The following ANAPC4 variants were observed in gnomAD, a reference collection of about 807,000 sequenced individuals.
ANAPC4 encodes anaphase-promoting complex subunit 4.
Under a neutral mutation model 119.8 loss-of-function variants are expected in ANAPC4, and 63 were observed. The ratio of observed to expected loss-of-function variants is 0.53; its 90% confidence interval spans 0.43 to 0.65. The LOEUF (loss-of-function observed/expected upper bound fraction) is 0.65. ANAPC4 is among the 30% of genes least tolerant of loss of function. The pLI, the probability that ANAPC4 is intolerant of heterozygous loss-of-function variation, is 0.00. For missense variants in ANAPC4, 716 were observed against 945.1 expected (o/e 0.76, Z 3.18); for synonymous variants, 283 against 318.6 (o/e 0.89, Z 1.19).
At chr4:25,386,972 T>C (rs761616690) in intron 4 of ANAPC4, among the ~76,000 whole-genome samples, 1 of 152,212 alleles carries the variant, frequency 6.6e-6, no homozygotes, top group Non-Finnish European at 1.5e-5. Context: ...TGCCAATCAG[T>C]AATTTTAAAG....
rs77104342 is a variant in ANAPC4, at chr4:25,377,700, C to T, written c.129+144C>T. The T allele has an allele frequency of 0.011, 13,505 of 1,213,260 alleles. 902 individuals carry two copies. The African/African-American group carries it at 0.16, about 14-fold the overall frequency. 75.2% of individuals were successfully genotyped at this position (1,213,260 alleles called of 1,614,324 possible). On this transcript the variant is annotated intron_variant, in intron 2 of 28. Coordinates refer to ENST00000315368, the MANE Select transcript of ANAPC4 (RefSeq NM_013367.3). ...CAGACATGGCTGGCCACCTGCTACC[C>T]CTTCCCTGCCTCCCAGGACGGCAGT...
intron 14 of ANAPC4, 58 bp downstream of exon 14, chr4:25,394,963 T>G: frequency 1.5e-6 from 2 of 1,301,800 alleles, no homozygotes; most frequent in Admixed American, 4.3e-5. Context: ...GGCGTTGGCC[T>G]TCTTTCCGCC....
chr4:25,418,064 A>G, intron 28 of ANAPC4, 91 bp from the exon 29 acceptor site: 1 of 1,238,924 alleles, frequency 8.1e-7, no homozygotes, highest in Non-Finnish European at 1.1e-6. Context: ...TTCCTATAAA[A>G]CCATTCTTTG....
chr4:25,391,138 G>T, intron 9 of ANAPC4, 123 bp downstream of exon 9: 1 of 654,672 alleles, frequency 1.5e-6, no homozygotes, highest in Non-Finnish European at 2.6e-6. Flanking sequence ...AATCGACTTG[G>T]AATTTCTACA....
intron 16 of ANAPC4, among the ~76,000 whole-genome samples, chr4:25,402,220 C>T (rs1195221834): frequency 6.6e-6 from 1 of 152,122 alleles, no homozygotes; most frequent in East Asian, 1.9e-4. Context: ...GTTAATGATA[C>T]TGACCTACCT....
intron 4 of ANAPC4, among the ~76,000 whole-genome samples, chr4:25,386,543 G>C (rs185040360): frequency 2.6e-5 from 4 of 152,162 alleles, no homozygotes; most frequent in East Asian, 3.9e-4. Context: ...ATGGTTTGTG[G>C]CACCCCTAAA....
At chr4:25,386,782 A>C (rs190333083) in intron 4 of ANAPC4, among the ~76,000 whole-genome samples, 2 of 152,342 alleles carry the variant, frequency 1.3e-5, no homozygotes, top group African/African-American at 4.8e-5. Flanking sequence ...TCTGGGAAGC[A>C]GGATGAAGGG....
Position 25,380,526 on chromosome 4 carries a change from G to A in ANAPC4, c.235+47G>A. 3 of 1,421,760 alleles carry A rather than the reference G, an allele frequency of 2.1e-6. No homozygotes were observed. In the Middle Eastern group the frequency reaches 5.5e-4, roughly 259 times the overall value. 88.1% of individuals were successfully genotyped at this position (1,421,760 alleles called of 1,614,324 possible). On this transcript the variant is annotated intron_variant, in intron 3 of 28. Transcript: ENST00000315368. ...AAATATGTTTTTATTTTCACAAAGAGTATTCTGTAAAGCCCATTTTCAGAA... is the reference window on the plus strand; with the variant it reads ...AAATATGTTTTTATTTTCACAAAGAATATTCTGTAAAGCCCATTTTCAGAA...
chr4:25,378,845 G>A (rs769771197), intron 2 of ANAPC4, among the ~76,000 whole-genome samples: 1 of 152,192 alleles, frequency 6.6e-6, no homozygotes, highest in African/African-American at 2.4e-5. Context: ...GGCTGTGTGG[G>A]TGCAGGCATG....
chr4:25,415,414 A>G, intron 25 of ANAPC4, 52 bp from the exon 26 acceptor site: 1 of 1,375,318 alleles, frequency 7.3e-7, no homozygotes, highest in Non-Finnish European at 1.0e-6. Flanking sequence ...TAGATTATTG[A>G]CTATCCAGGT....
At chr4:25,389,715 A>G (rs1423762669) in intron 7 of ANAPC4, among the ~76,000 whole-genome samples, 1 of 152,222 alleles carries the variant, frequency 6.6e-6, no homozygotes, top group Non-Finnish European at 1.5e-5. Context: ...GTTTATTTTA[A>G]TAAGTTAAAG....
intron 3 of ANAPC4, among the ~76,000 whole-genome samples, chr4:25,382,124 C>G (rs199779667): frequency 2.8e-3 from 50 of 17,586 alleles, no homozygotes; most frequent in African/African-American, 7.7e-3. Flanking sequence ...CTTTTTTTTC[C>G]CCCCCCTCAC....
rs1372709241 is a variant in ANAPC4 at position 25,393,837 on chromosome 4, A to G, written c.822A>G (p.Glu274=). Residue 274 remains glutamate, a synonymous_variant, in exon 11 of 29, where the codon GAA becomes GAG. Coordinates refer to ENST00000315368, the MANE Select transcript of ANAPC4 (RefSeq NM_013367.3). ...YINLSLTCMC[E]AWEEILMQMD... ...ATTTGTCACTAACATGTATGTGTGAAGCATGGGAAGAAATACTAATGCAGA... is the reference window on the plus strand; with the variant it reads ...ATTTGTCACTAACATGTATGTGTGAGGCATGGGAAGAAATACTAATGCAGA... 1.8e-5 allele frequency: 29 copies of G among 1,609,942 alleles called. No homozygotes were observed. Among genetic ancestry groups the G allele is most frequent in the Non-Finnish European group, 2.1e-5 (25 of 1,177,966 alleles).
chr4:25,414,826 G>A, intron 25 of ANAPC4, 126 bp downstream of exon 25: 1 of 907,694 alleles, frequency 1.1e-6, no homozygotes, highest in Non-Finnish European at 1.5e-6. Context: ...TCATTTAATT[G>A]TTAGTTTTCA....
chr4:25,388,629 T>A, intron 5 of ANAPC4, 55 bp downstream of exon 5: 2 of 1,561,610 alleles, frequency 1.3e-6, no homozygotes, highest in South Asian at 2.3e-5. Context: ...TTTCTTCTGC[T>A]TTTAACACTG....
chr4:25,385,712 G>A (rs1049288548), intron 4 of ANAPC4, among the ~76,000 whole-genome samples: 3 of 152,110 alleles, frequency 2.0e-5, no homozygotes, highest in Non-Finnish European at 4.4e-5. Context: ...GGTTTTCAAC[G>A]TGCCTTCCTC....
chr4:25,410,883 A>G (rs1723520850), intron 21 of ANAPC4, among the ~76,000 whole-genome samples: 1 of 152,312 alleles, frequency 6.6e-6, no homozygotes, highest in South Asian at 2.1e-4. Flanking sequence ...CTCATTATGT[A>G]TATGCACATA....
chr4:25,388,627 G>C, intron 5 of ANAPC4, 53 bp downstream of exon 5: 1 of 1,561,662 alleles, frequency 6.4e-7, no homozygotes, highest in Non-Finnish European at 8.8e-7. Flanking sequence ...TCTTTCTTCT[G>C]CTTTTAACAC....
intron 19 of ANAPC4, 55 bp downstream of exon 19, chr4:25,406,940 G>C: frequency 7.5e-7 from 1 of 1,324,842 alleles, no homozygotes; most frequent in Non-Finnish European, 1.1e-6. Context: ...AGTAAACCTG[G>C]ATAATGACAA....
Sources: allele counts gnomAD v4.1 joint callset (sites outside exome capture counted in the v4.1 genomes callset), GRCh38; gene constraint gnomAD v4.1.1; transcripts MANE v1.5; gene names NCBI Gene and HGNC (gene_info 2026-07-23, HGNC 2026-07-21).